Variants in ZBBX observed in about 807,000 individuals in gnomAD.
The protein encoded by ZBBX is zinc finger B-box domain-containing protein 1.
A neutral mutation model predicts 108.5 loss-of-function variants in ZBBX; 101 were observed. The ratio of observed to expected loss-of-function variants is 0.93; its 90% CI spans 0.79 to 1.10. The LOEUF (loss-of-function observed/expected upper bound fraction) is 1.10, where lower values mean the gene tolerates loss of function less well. ZBBX is among the 50% of genes least tolerant of loss of function. ZBBX has a pLI of 0.00. For missense variants in ZBBX, 1,009 were observed against 941.4 expected, an observed-to-expected ratio of 1.07 and a Z score of -0.94; for synonymous variants, 356 against 323.4, an observed-to-expected ratio of 1.10 and a Z score of -1.08.
chr3:167,310,020 G>C (rs1381433841), intron 16 of ZBBX, among the ~76,000 whole-genome samples: 1 of 152,112 alleles, frequency 6.6e-6, no homozygotes, highest in Non-Finnish European at 1.5e-5. Flanking sequence ...GTCACATCTT[G>C]AATGCTTTGT....
rs981121756 is a variant in ZBBX at position 167,282,447 on chromosome 3, G to C, written c.2045C>G (p.Ser682Cys). Residue 682 changes from serine (S) to cysteine (C), a missense_variant, in exon 20 of 22, where the codon TCT (serine) becomes TGT (cysteine). By Grantham distance (112) the Ser-to-Cys change is moderately radical. Coordinates refer to ENST00000675490, the MANE Select transcript of ZBBX (RefSeq NM_001199201.2). The stretch of plus-strand genomic sequence containing the variant: ...AAGGCAACTGGAGCTTTCTTTAACA[G>C]AGTTGGAAAGTGGAAAATTTGCTGT... The part of the protein sequence containing the change: ...PSTANFPLSN[S>C]VKESSSCLSS... 3 of 1,613,634 alleles carry C rather than the reference G, an allele frequency of 1.9e-6. No homozygotes were observed. The highest frequency in any genetic ancestry group is 2.5e-6 in the Non-Finnish European group (3 of 1,179,836).
At chr3:167,383,192 C>T (rs1747803817), upstream of ZBBX, among the ~76,000 whole-genome samples, 1 of 152,054 alleles carries the variant, frequency 6.6e-6, no homozygotes, top group Non-Finnish European at 1.5e-5. Context: ...TTTCCATTTG[C>T]TCTTTGGCCC....
rs977556757 is a variant in ZBBX at position 167,368,695 on chromosome 3, T to C, written c.69-121A>G. The C allele has an allele frequency of 1.9e-5, 25 of 1,291,674 alleles. No individual in the cohort carries two copies. In the African/African-American group the frequency reaches 3.6e-4, roughly 18 times the overall value. The allele number at this position is 1,291,674 out of a possible 1,614,324, so 80.0% of individuals were successfully genotyped here. On this transcript the variant is annotated intron_variant, in intron 4 of 21. Transcript: ENST00000675490. ...ATAAATAAAATATTTTACCTATTTC[T>C]TTTGTACTTCTCCGAAATCTGGTTT... is the stretch of plus-strand genomic sequence containing the variant.
chr3:167,403,924 T>C (rs76698353), intron 1 of ZBBX, among the ~76,000 whole-genome samples: 13,446 of 151,956 alleles, frequency 0.088, 626 homozygotes, highest in Non-Finnish European at 0.11. Flanking sequence ...AAATTAAAAA[T>C]ATAAATAAGA....
At chr3:167,338,578 T>G (rs1739979631) in intron 9 of ZBBX, among the ~76,000 whole-genome samples, 1 of 151,966 alleles carries the variant, frequency 6.6e-6, no homozygotes, top group Non-Finnish European at 1.5e-5. Flanking sequence ...TAGACCTGTA[T>G]TACTTTGCAA....
chr3:167,231,702 G>A, the ZBBX span, among the ~76,000 whole-genome samples: 1 of 151,742 alleles, frequency 6.6e-6, no homozygotes, highest in Non-Finnish European at 1.5e-5. Context: ...CCTTTACTAA[G>A]AGGGACTTTT....
At chr3:167,228,942 T>C in the ZBBX span, among the ~76,000 whole-genome samples, 25 of 151,890 alleles carry the variant, frequency 1.6e-4, no homozygotes, top group South Asian at 4.1e-3. Flanking sequence ...GTTACCACTA[T>C]CTAATGTACA....
chr3:167,368,335 G>T, intron 5 of ZBBX, 126 bp downstream of exon 5: 1 of 696,016 alleles, frequency 1.4e-6, no homozygotes, highest in Non-Finnish European at 2.3e-6. Context: ...GCTATTGCTC[G>T]TTCATCAGGA....
At chr3:167,323,240 G>T (rs1367802583) in intron 11 of ZBBX, among the ~76,000 whole-genome samples, 2,384 of 71,590 alleles carry the variant, frequency 0.033, 117 homozygotes, top group African/African-American at 0.075. Context: ...GCTAAAAGAG[G>T]GGGGGGGGGG....
chr3:167,212,912 G>T, the ZBBX span, among the ~76,000 whole-genome samples: 1 of 152,130 alleles, frequency 6.6e-6, no homozygotes, highest in Non-Finnish European at 1.5e-5. Flanking sequence ...ACACCCCAAA[G>T]CTTCAACACC....
the ZBBX span, among the ~76,000 whole-genome samples, chr3:167,212,439 A>C: frequency 2.6e-5 from 4 of 152,150 alleles, no homozygotes; most frequent in Admixed American, 2.0e-4. Flanking sequence ...TGCCCTTGCC[A>C]TCCTGGGACT....
chr3:167,302,784 C>T (rs189743218), intron 17 of ZBBX, among the ~76,000 whole-genome samples: 1 of 152,270 alleles, frequency 6.6e-6, no homozygotes, highest in African/African-American at 2.4e-5. Flanking sequence ...TCCCAGAACC[C>T]AGTTTTCACA....
the ZBBX span, among the ~76,000 whole-genome samples, chr3:167,218,398 CA>C: frequency 6.6e-6 from 1 of 151,826 alleles, no homozygotes; most frequent in Non-Finnish European, 1.5e-5. Flanking sequence ...ATCAACTAAT[CA>C]AAAATAATAA....
At chr3:167,406,199 C>A (rs545543290) in intron 1 of ZBBX, among the ~76,000 whole-genome samples, 46 of 152,238 alleles carry the variant, frequency 3.0e-4, no homozygotes, top group African/African-American at 1.1e-3. Context: ...GCAGTACTGT[C>A]TGTGTGAATG....
At chr3:167,296,207 TATG>T (rs1473844591) in intron 18 of ZBBX, among the ~76,000 whole-genome samples, 2 of 152,048 alleles carry the variant, frequency 1.3e-5, no homozygotes, top group African/African-American at 2.4e-5. Flanking sequence ...AACACACTTT[TATG>T]ATAAGAACAA....
intron 20 of ZBBX, among the ~76,000 whole-genome samples, chr3:167,275,862 C>G (rs1727471064): frequency 6.6e-6 from 1 of 152,356 alleles, no homozygotes; most frequent in Admixed American, 6.5e-5. Context: ...GTAACCTCTG[C>G]AGACTTAAAT....
At chr3:167,401,469 T>C (rs1748422114) in intron 1 of ZBBX, 2 of 152,118 alleles carry the variant, frequency 1.3e-5, no homozygotes, top group Admixed American at 6.6e-5. Flanking sequence ...GGCTACCCTA[T>C]AGACAGCAGC....
At chr3:167,260,957 G>C (rs1014295275) in intron 20 of ZBBX, among the ~76,000 whole-genome samples, 1 of 152,180 alleles carries the variant, frequency 6.6e-6, no homozygotes, top group African/African-American at 2.4e-5. Flanking sequence ...ATTTGGGTAG[G>C]CTCTGTCAGA....
the ZBBX span, among the ~76,000 whole-genome samples, chr3:167,193,844 G>T: frequency 2.0e-5 from 3 of 152,046 alleles, no homozygotes; most frequent in African/African-American, 7.2e-5. Flanking sequence ...TGAAACTGCT[G>T]GTTATTATGT....
Sources: gnomAD v4.1 joint callset for allele counts (sites outside exome capture counted in the v4.1 genomes callset) on GRCh38, gnomAD v4.1.1 for gene constraint, MANE v1.5 for transcripts, NCBI Gene and HGNC (gene_info 2026-07-23, HGNC 2026-07-21) for gene names.